SND1: variants seen among roughly 807,000 people sequenced by gnomAD.
SND1 encodes staphylococcal nuclease domain-containing protein 1.
A neutral mutation model predicts 121.7 loss-of-function variants in SND1; 38 were observed. The observed-to-expected ratio is 0.31, with a 90% CI of 0.24 to 0.41. The LOEUF is 0.41. SND1 is among the 10% of genes least tolerant of loss of function. The pLI is 1.00. For synonymous variants in SND1, 401 were observed against 447.4 expected, an observed-to-expected ratio of 0.90 and a Z score of 1.31; for missense variants, 868 against 1,184.6, an observed-to-expected ratio of 0.73 and a Z score of 3.92.
At chr7:127,727,470 G>A (rs928635236) in intron 10 of SND1, among the ~76,000 whole-genome samples, 3 of 152,174 alleles carry the variant, frequency 2.0e-5, no homozygotes, top group Admixed American at 6.5e-5. Context: ...CCCTCAAGCC[G>A]ACTTTGCCGA....
At chr7:127,744,660 T>C (rs1380278927) in intron 10 of SND1, among the ~76,000 whole-genome samples, 1 of 152,208 alleles carries the variant, frequency 6.6e-6, no homozygotes, top group Non-Finnish European at 1.5e-5. Flanking sequence ...TTTTTTGTGT[T>C]CAAAAAGATA....
Position 127,979,654 on chromosome 7 carries a change from C to T in SND1, c.1670-11293C>T, listed in dbSNP as rs539809278. ...AGACATAAAGAACGAGGAAGTTAAACTTTAAAATGAAGAACAAAGAACAGG... is the reference window on the plus strand; with the variant it reads ...AGACATAAAGAACGAGGAAGTTAAATTTTAAAATGAAGAACAAAGAACAGG... On this transcript the variant is annotated intron_variant, in intron 15 of 23. Transcript: ENST00000354725. Among the ~76,000 whole-genome samples the T allele has an allele frequency of 5.3e-5, 8 of 152,254 alleles. No individual in the cohort carries two copies. In the South Asian group the frequency reaches 1.5e-3, roughly 28 times the overall value.
At chr7:127,964,473 G>A (rs1801810169) in intron 15 of SND1, among the ~76,000 whole-genome samples, 1 of 150,382 alleles carries the variant, frequency 6.6e-6, no homozygotes, top group South Asian at 2.1e-4. Context: ...TTCTACATAT[G>A]GCTAGCCAAT....
chr7:127,967,970 C>T (rs1039107006), intron 15 of SND1, among the ~76,000 whole-genome samples: 10 of 152,152 alleles, frequency 6.6e-5, no homozygotes, highest in Admixed American at 5.2e-4. Context: ...ATGCTTATTA[C>T]AATGCTGTGG....
At chr7:128,038,464 T>C (rs528890982) in intron 16 of SND1, among the ~76,000 whole-genome samples, 8 of 152,246 alleles carry the variant, frequency 5.3e-5, no homozygotes, top group Non-Finnish European at 1.0e-4. Flanking sequence ...TAGAAGCAAG[T>C]AAAGGAAATC....
At chr7:127,936,367 T>C (rs995924759) in intron 15 of SND1, among the ~76,000 whole-genome samples, 1 of 152,136 alleles carries the variant, frequency 6.6e-6, no homozygotes, top group African/African-American at 2.4e-5. Flanking sequence ...ATCTGGCCTT[T>C]AGTGAGCCCC....
chr7:128,030,575 G>T, intron 16 of SND1: 1 of 1,607,874 alleles, frequency 6.2e-7, no homozygotes. Flanking sequence ...CCGTGAGGTA[G>T]ACGAACGGGA....
intron 12 of SND1, among the ~76,000 whole-genome samples, chr7:127,852,049 A>G (rs1799173374): frequency 6.6e-6 from 1 of 152,108 alleles, no homozygotes; most frequent in African/African-American, 2.4e-5. Flanking sequence ...TATCTGAGCT[A>G]TTCGGAAGGC....
intron 10 of SND1, among the ~76,000 whole-genome samples, chr7:127,796,487 C>T (rs1471525732): frequency 6.6e-6 from 1 of 152,102 alleles, no homozygotes; most frequent in Non-Finnish European, 1.5e-5. Flanking sequence ...GTACCATAAA[C>T]AGCTTTTTTT....
At position 127,686,504 on chromosome 7, in the gene SND1, T is replaced by A. The variant is rs1795814639; in HGVS notation, c.79-109T>A. 3.3e-6 allele frequency: 4 copies of A among 1,223,192 alleles called. No individual in the cohort carries two copies. The East Asian group carries it at 1.0e-4, about 31-fold the overall frequency. 75.8% of individuals were successfully genotyped at this position (1,223,192 alleles called of 1,614,324 possible). ...CATTCAACAGATGACTTTGCATGCC[T>A]TTGAAGTGCAAATGCTATTTGAAAT... On this transcript the variant is annotated intron_variant, in intron 1 of 23. Transcript: ENST00000354725.
chr7:128,021,735 A>C (rs879277518), intron 16 of SND1, among the ~76,000 whole-genome samples: 1 of 152,218 alleles, frequency 6.6e-6, no homozygotes, highest in Non-Finnish European at 1.5e-5. Flanking sequence ...CTGGAGAGGA[A>C]ATATCATGAG....
At chr7:127,933,482 A>G (rs1465410374) in intron 15 of SND1, among the ~76,000 whole-genome samples, 1 of 152,238 alleles carries the variant, frequency 6.6e-6, no homozygotes, top group Non-Finnish European at 1.5e-5. Flanking sequence ...GAAAAGTCTT[A>G]AGAGAAAGCA....
At chr7:128,047,200 C>T (rs940895693) in intron 16 of SND1, among the ~76,000 whole-genome samples, 18 of 152,140 alleles carry the variant, frequency 1.2e-4, no homozygotes, top group African/African-American at 2.4e-4. Flanking sequence ...GAGTCACATA[C>T]GAGAAAAAAG....
At chr7:127,956,844 T>A (rs1801605118) in intron 15 of SND1, among the ~76,000 whole-genome samples, 1 of 152,248 alleles carries the variant, frequency 6.6e-6, no homozygotes, top group Admixed American at 6.5e-5. Context: ...TACCACCTTC[T>A]ATCACATTGT....
intron 17 of SND1, among the ~76,000 whole-genome samples, chr7:128,075,378 G>A (rs976510528): frequency 1.1e-4 from 17 of 152,214 alleles, no homozygotes; most frequent in Non-Finnish European, 2.1e-4. Context: ...AGGAGGATTC[G>A]TGGGACAGCC....
intron 15 of SND1, among the ~76,000 whole-genome samples, chr7:127,945,996 C>G (rs573618387): frequency 1.3e-5 from 2 of 152,332 alleles, no homozygotes; most frequent in South Asian, 2.1e-4. Flanking sequence ...AACAAGGGAC[C>G]TTTCCAATCT....
At chr7:128,066,227 A>G (rs1793312025) in intron 16 of SND1, among the ~76,000 whole-genome samples, 1 of 152,122 alleles carries the variant, frequency 6.6e-6, no homozygotes, top group Non-Finnish European at 1.5e-5. Context: ...AAGGCATTCC[A>G]GGCGGGAGAG....
chr7:127,681,740 T>C (rs1795731542), intron 1 of SND1, among the ~76,000 whole-genome samples: 1 of 152,244 alleles, frequency 6.6e-6, no homozygotes, highest in South Asian at 2.1e-4. Flanking sequence ...TTGAAAGGAC[T>C]ACTCTTTCCC....
At chr7:127,694,667 T>A in intron 2 of SND1, 161 bp from the exon 3 acceptor site, 1 of 793,868 alleles carries the variant, frequency 1.3e-6, no homozygotes, top group Non-Finnish European at 2.0e-6. Context: ...AAGTGTGCGA[T>A]CTGCATTGTG....
Sources: gnomAD v4.1 joint callset for allele counts (sites outside exome capture counted in the v4.1 genomes callset) on GRCh38, gnomAD v4.1.1 for gene constraint, MANE v1.5 for transcripts, NCBI Gene and HGNC (gene_info 2026-07-23, HGNC 2026-07-21) for gene names.